The following KNTC1 variants were observed in gnomAD, a reference collection of about 807,000 sequenced individuals.
KNTC1 encodes the protein kinetochore associated 1.
A neutral mutation model predicts 314.4 loss-of-function variants in KNTC1; 253 were observed. The observed-to-expected ratio is 0.80, with a 90% CI of 0.73 to 0.89. The LOEUF (loss-of-function observed/expected upper bound fraction) is 0.89. Ranked by LOEUF, KNTC1 falls within the 40% of genes least tolerant of loss-of-function variation. The pLI is 0.00. For synonymous variants in KNTC1, 901 were observed against 901.4 expected (o/e 1.00, Z 0.01); for missense variants, 2,475 against 2,572.9 (o/e 0.96, Z 0.82).
At chr12:122,546,145 T>C in intron 8 of KNTC1, 31 bp from the exon 9 acceptor site, 1 of 1,330,200 alleles carries the variant, frequency 7.5e-7, no homozygotes, top group Non-Finnish European at 1.1e-6. Context: ...GAATGAAATT[T>C]GCATTTTAAG....
intron 16 of KNTC1, among the ~76,000 whole-genome samples, chr12:122,553,783 G>A (rs1180131006): frequency 6.6e-6 from 1 of 152,048 alleles, no homozygotes; most frequent in African/African-American, 2.4e-5. Flanking sequence ...CTGTAAGAAT[G>A]TATGATTATG....
rs1457197415 is a variant in KNTC1, at chr12:122,571,606, A to G, written c.2019+480A>G. Among the ~76,000 whole-genome samples, 4 of 151,952 alleles carry G rather than the reference A, an allele frequency of 2.6e-5. No homozygotes were observed. The East Asian group carries it at 5.8e-4, about 22-fold the overall frequency. ...ACTCCCAGACCCAAGTGATCTACCCACCTGGGCTTCCCAAAGTGCTGGGAT... is the reference window on the plus strand; with the variant it reads ...ACTCCCAGACCCAAGTGATCTACCCGCCTGGGCTTCCCAAAGTGCTGGGAT... On this transcript the variant is annotated intron_variant, in intron 24 of 63. Coordinates refer to ENST00000333479, the MANE Select transcript of KNTC1 (RefSeq NM_014708.6).
At chr12:122,529,311 T>A (rs1276843410) in intron 1 of KNTC1, among the ~76,000 whole-genome samples, 1 of 152,236 alleles carries the variant, frequency 6.6e-6, no homozygotes, top group Admixed American at 6.5e-5. Context: ...GTAGCACTTA[T>A]GAAACCAATT....
intron 42 of KNTC1, among the ~76,000 whole-genome samples, chr12:122,591,859 C>T (rs1870248883): frequency 1.3e-5 from 2 of 152,336 alleles, no homozygotes; most frequent in East Asian, 1.9e-4. Context: ...TGACAGTGTG[C>T]GGGCAGTCCT....
chr12:122,557,626 C>A lies in KNTC1; in HGVS notation c.1425C>A (p.Cys475Ter). 6.2e-7 allele frequency: 1 copy of A among 1,613,276 alleles called. No homozygotes were observed. Among genetic ancestry groups the A allele is most frequent in the East Asian group, 2.2e-5 (1 of 44,868 alleles). The change falls in exon 18 of 64, where the codon TGC (cysteine) becomes TGA (stop). Residue 475 changes from cysteine to a stop codon, truncating the protein, a stop_gained. Coordinates refer to ENST00000333479, the MANE Select transcript of KNTC1 (RefSeq NM_014708.6). LOFTEE classifies it high-confidence loss of function. ...ATGATGAATTTGTGGTGAATTACTG[C>A]CTGAAAGCTCAGTGGATAACCTATG... ...IQDDEFVVNY[C>*]LKAQWITYET...
At chr12:122,582,652 T>A (rs1271671420) in intron 33 of KNTC1, 53 bp from the exon 34 acceptor site, 12 of 1,458,384 alleles carry the variant, frequency 8.2e-6, no homozygotes, top group African/African-American at 1.4e-5. Context: ...ATGATTATTT[T>A]AAACAATAGA....
chr12:122,530,461 T>C (rs1157501642), intron 2 of KNTC1, among the ~76,000 whole-genome samples: 1 of 151,974 alleles, frequency 6.6e-6, no homozygotes, highest in East Asian at 1.9e-4. Context: ...TCTTTTTTTT[T>C]TTTTTTTGAG....
intron 43 of KNTC1, chr12:122,597,237 C>A (rs1297060908): frequency 6.6e-6 from 1 of 151,380 alleles, no homozygotes; most frequent in African/African-American, 2.6e-5. Flanking sequence ...AGGAATAATA[C>A]CTGATTTTTT....
At chr12:122,619,301 A>G (rs1368577925) in intron 59 of KNTC1, among the ~76,000 whole-genome samples, 5 of 151,048 alleles carry the variant, frequency 3.3e-5, no homozygotes, top group Non-Finnish European at 7.4e-5. Flanking sequence ...AGTAGCTGGG[A>G]TTACAGGCAT....
chr12:122,615,144 C>A, intron 56 of KNTC1, 58 bp downstream of exon 56: 1 of 1,224,202 alleles, frequency 8.2e-7, no homozygotes, highest in East Asian at 2.5e-5. Context: ...CACAGCATCC[C>A]CTAAACATTT....
intron 31 of KNTC1, among the ~76,000 whole-genome samples, chr12:122,578,161 T>C (rs1442770260): frequency 2.6e-5 from 4 of 152,236 alleles, no homozygotes; most frequent in Non-Finnish European, 5.9e-5. Context: ...TATAATCTTA[T>C]AACATTGAAA....
intron 44 of KNTC1, 71 bp from the exon 45 acceptor site, chr12:122,601,465 T>G (rs1413673483): frequency 8.1e-7 from 1 of 1,239,868 alleles, no homozygotes; most frequent in Non-Finnish European, 1.1e-6. Context: ...CTGTGCTGAT[T>G]ATTGTAATTG....
intron 2 of KNTC1, among the ~76,000 whole-genome samples, chr12:122,531,024 T>G (rs1184070136): frequency 1.3e-5 from 2 of 152,090 alleles, no homozygotes; most frequent in African/African-American, 2.4e-5. Flanking sequence ...TAGTCCCAGC[T>G]ACTTGGGAGG....
intron 63 of KNTC1, among the ~76,000 whole-genome samples, chr12:122,625,931 C>T (rs1304263287): frequency 6.6e-6 from 1 of 152,154 alleles, no homozygotes; most frequent in Admixed American, 6.6e-5. Context: ...AATGAGCCCG[C>T]ATTTTGTTAC....
intron 36 of KNTC1, among the ~76,000 whole-genome samples, 185 bp from the exon 37 acceptor site, chr12:122,585,451 G>T (rs895054822): frequency 9.2e-5 from 14 of 152,216 alleles, no homozygotes; most frequent in African/African-American, 3.1e-4. Flanking sequence ...CTCTGTTCCA[G>T]TCACTTGATT....
In KNTC1 at chr12:122,624,617, T is replaced by A; in HGVS notation, c.6535T>A (p.Leu2179Met). ...TTGTAGTTTAGATGAAGCTTCAGTC[T>A]TGATAACTGAATATTCAAAGCACTG... ...NDLSLDEASV[L>M]ITEYSKHCGK... is the part of the protein sequence containing the mutation. The change falls in exon 63 of 64, where the codon TTG (leucine) becomes ATG (methionine). Residue 2179 changes from leucine (L) to methionine (M), a missense_variant. Physicochemically the swap from Leu to Met is conservative, Grantham distance 15. Transcript: ENST00000333479. 2 of 1,612,046 alleles carry A rather than the reference T, an allele frequency of 1.2e-6. 1 individual carries two copies. The highest frequency in any genetic ancestry group is 2.2e-5 in the South Asian group (2 of 91,040).
chr12:122,563,970 G>A (rs1964144708), intron 20 of KNTC1, among the ~76,000 whole-genome samples: 1 of 152,068 alleles, frequency 6.6e-6, no homozygotes, highest in Admixed American at 6.6e-5. Context: ...AAAACATTAT[G>A]GTTCAATGTT....
At chr12:122,542,764 C>CA (rs574947431) in intron 6 of KNTC1, among the ~76,000 whole-genome samples, 619 of 143,230 alleles carry the variant, frequency 4.3e-3, no homozygotes, top group Middle Eastern at 7.2e-3. Flanking sequence ...AACTCTGTCT[C>CA]AAAAAAAAAA....
chr12:122,613,334 T>G, intron 54 of KNTC1, 104 bp downstream of exon 54: 1 of 784,702 alleles, frequency 1.3e-6, no homozygotes, highest in Non-Finnish European at 2.1e-6. Flanking sequence ...AGAGTAGCTG[T>G]GTGAATACAG....
Sources: gnomAD v4.1 joint callset for allele counts (sites outside exome capture counted in the v4.1 genomes callset) on GRCh38, gnomAD v4.1.1 for gene constraint, MANE v1.5 for transcripts, NCBI Gene and HGNC (gene_info 2026-07-23, HGNC 2026-07-21) for gene names.